GAS7: variants seen among roughly 807,000 people sequenced by gnomAD.
GAS7 encodes growth arrest-specific protein 7.
GAS7 carries 28 observed loss-of-function variants against 71.1 expected under a neutral mutation model. The ratio of observed to expected loss-of-function variants is 0.39; its 90% CI spans 0.29 to 0.54. GAS7 has a LOEUF of 0.54. Ranked by LOEUF, GAS7 falls within the 20% of genes least tolerant of loss-of-function variation. The pLI, the probability that GAS7 is intolerant of heterozygous loss-of-function variation, is 0.62. For missense variants in GAS7, 436 were observed against 627.8 expected, an observed-to-expected ratio of 0.69 and a Z score of 3.27; for synonymous variants, 258 against 245.8, an observed-to-expected ratio of 1.05 and a Z score of -0.46.
At chr17:10,125,947 C>A (rs964739513) in intron 1 of GAS7, among the ~76,000 whole-genome samples, 1 of 152,216 alleles carries the variant, frequency 6.6e-6, no homozygotes, top group Non-Finnish European at 1.5e-5. Context: ...CCAGAGAGAG[C>A]TGGACAAGGC....
chr17:10,144,330 G>A (rs2074105830), intron 1 of GAS7, among the ~76,000 whole-genome samples: 1 of 152,140 alleles, frequency 6.6e-6, no homozygotes, highest in South Asian at 2.1e-4. Context: ...CTTCTCATAG[G>A]CAGTGTCGGG....
chr17:10,125,267 C>T (rs2073935711), intron 1 of GAS7, among the ~76,000 whole-genome samples: 1 of 151,988 alleles, frequency 6.6e-6, no homozygotes, highest in Non-Finnish European at 1.5e-5. Context: ...CCTATGATCC[C>T]AGCACTTTGG....
At chr17:9,946,183 A>T (rs549182157) in intron 6 of GAS7, among the ~76,000 whole-genome samples, 1 of 152,246 alleles carries the variant, frequency 6.6e-6, no homozygotes, top group East Asian at 1.9e-4. Flanking sequence ...TTAACATGCA[A>T]ATGGCCCAGG....
At chr17:10,183,333 G>A (rs751037673) in intron 1 of GAS7, among the ~76,000 whole-genome samples, 12 of 152,084 alleles carry the variant, frequency 7.9e-5, no homozygotes, top group Non-Finnish European at 1.3e-4. Flanking sequence ...ACCTCAGAGA[G>A]GCCCTTGGAA....
chr17:9,925,435 C>CT (rs2067964682), intron 11 of GAS7, 41 bp downstream of exon 11: 1 of 1,563,234 alleles, frequency 6.4e-7, no homozygotes, highest in African/African-American at 1.6e-5. Flanking sequence ...CCCTCTCCTT[C>CT]TGTGTGCACT....
At chr17:9,945,242 A>T (rs1200559126) in intron 6 of GAS7, among the ~76,000 whole-genome samples, 1 of 151,850 alleles carries the variant, frequency 6.6e-6, no homozygotes, top group African/African-American at 2.4e-5. Context: ...TGCCGCCACC[A>T]CCATCTTTCC....
intron 1 of GAS7, among the ~76,000 whole-genome samples, chr17:10,178,683 C>T (rs1264600789): frequency 2.7e-5 from 4 of 149,276 alleles, no homozygotes; most frequent in African/African-American, 7.4e-5. Context: ...CAACTCAACT[C>T]CCCTCCCTCC....
chr17:9,963,128 C>A (rs530080947), intron 4 of GAS7, among the ~76,000 whole-genome samples: 1 of 151,674 alleles, frequency 6.6e-6, no homozygotes, highest in East Asian at 1.9e-4. Flanking sequence ...TCTATCCATA[C>A]GACAGAATAT....
At chr17:10,127,428 C>A (rs2073959945) in intron 1 of GAS7, among the ~76,000 whole-genome samples, 1 of 152,070 alleles carries the variant, frequency 6.6e-6, no homozygotes, top group Admixed American at 6.6e-5. Flanking sequence ...GTATTGCACA[C>A]CGAGTCCACG....
intron 2 of GAS7, among the ~76,000 whole-genome samples, chr17:10,016,620 A>AAAAC (rs2072024733): frequency 1.3e-4 from 17 of 131,636 alleles, no homozygotes; most frequent in African/African-American, 1.8e-4. Flanking sequence ...AAAAAAAAAA[A>AAAAC]AAAACAAAAC....
intron 4 of GAS7, among the ~76,000 whole-genome samples, chr17:9,961,435 C>T (rs3786099): frequency 0.14 from 21,289 of 152,170 alleles, 1,986 homozygotes; most frequent in Non-Finnish European, 0.2. Flanking sequence ...AAAGAGTAGC[C>T]TATGGGATGG....
chr17:9,988,539 C>T (rs1002094845), intron 2 of GAS7, among the ~76,000 whole-genome samples: 1 of 152,192 alleles, frequency 6.6e-6, no homozygotes, highest in East Asian at 1.9e-4. Context: ...CCTTCCAGTA[C>T]AGCCATTGCT....
intron 2 of GAS7, among the ~76,000 whole-genome samples, chr17:9,984,026 T>C (rs530897749): frequency 7.2e-5 from 11 of 152,182 alleles, no homozygotes; most frequent in Non-Finnish European, 1.5e-4. Context: ...CCAAGGGAGA[T>C]ACTGTACCAA....
intron 1 of GAS7, among the ~76,000 whole-genome samples, chr17:10,171,010 TCC>T (rs1456230784): frequency 6.6e-6 from 1 of 152,150 alleles, no homozygotes; most frequent in East Asian, 1.9e-4. Context: ...TTTGCCTAAG[TCC>T]CAGCCAAGGG....
At position 10,197,633 on chromosome 17, in the gene GAS7, G is replaced by T. The variant is rs935756372; in HGVS notation, c.183+575C>A. On this transcript the variant is annotated intron_variant, in intron 1 of 13. Transcript: ENST00000432992. Reference sequence around the variant, plus strand: ...CCAGGGGAGCAGGCAGTGGCGGGGGGTGCTACGGCACCCCAGGATCAAGCC... The same window carrying T: ...CCAGGGGAGCAGGCAGTGGCGGGGGTTGCTACGGCACCCCAGGATCAAGCC... 2.6e-5 allele frequency among the ~76,000 whole-genome samples: 4 copies of T among 152,272 alleles called. No individual in the cohort carries two copies. In the East Asian group the frequency reaches 7.7e-4, roughly 29 times the overall value.
At chr17:9,936,074 A>G (rs1268198142) in intron 8 of GAS7, among the ~76,000 whole-genome samples, 1 of 152,228 alleles carries the variant, frequency 6.6e-6, no homozygotes, top group African/African-American at 2.4e-5. Flanking sequence ...CAAATGGTGC[A>G]GAGACAACCG....
At chr17:9,967,952 G>A (rs62064555) in intron 4 of GAS7, among the ~76,000 whole-genome samples, 1 of 152,332 alleles carries the variant, frequency 6.6e-6, no homozygotes, top group Admixed American at 6.5e-5. Flanking sequence ...TAAAATAGAT[G>A]AGTAACAACT....
intron 1 of GAS7, among the ~76,000 whole-genome samples, chr17:10,061,600 C>G (rs1451134010): frequency 6.6e-6 from 1 of 152,222 alleles, no homozygotes; most frequent in Admixed American, 6.5e-5. Flanking sequence ...GAAGATAGTT[C>G]AGCTTCTTTT....
At chr17:10,060,009 C>T (rs1208360645) in intron 1 of GAS7, among the ~76,000 whole-genome samples, 1 of 152,182 alleles carries the variant, frequency 6.6e-6, no homozygotes, top group African/African-American at 2.4e-5. Context: ...TCCTGATGAA[C>T]CTCCACCTCC....
Sources: gnomAD v4.1 joint callset for allele counts (sites outside exome capture counted in the v4.1 genomes callset) on GRCh38, gnomAD v4.1.1 for gene constraint, MANE v1.5 for transcripts, NCBI Gene and HGNC (gene_info 2026-07-23, HGNC 2026-07-21) for gene names.